Variants in PRKG1 observed in about 807,000 individuals in gnomAD.
The protein encoded by PRKG1 is protein kinase cGMP-dependent 1.
Under a neutral mutation model 88.1 loss-of-function variants are expected in PRKG1, and 35 were observed. That is an observed-to-expected ratio of 0.40 (90% CI 0.30 to 0.53). PRKG1 has a LOEUF of 0.53. Ranked by LOEUF, PRKG1 falls within the 20% of genes least tolerant of loss-of-function variation. The pLI is 0.59. For synonymous variants in PRKG1, 303 were observed against 292.5 expected, an observed-to-expected ratio of 1.04 and a Z score of -0.37; for missense variants, 540 against 839.8, an observed-to-expected ratio of 0.64 and a Z score of 4.41.
chr10:52,220,225 T>C (rs1381505230), intron 9 of PRKG1, among the ~76,000 whole-genome samples: 5 of 152,122 alleles, frequency 3.3e-5, no homozygotes, highest in African/African-American at 4.8e-5. Context: ...CCTGAGGTTG[T>C]TTGCTTTCTG....
chr10:51,061,617 C>G (rs773605895), intron 1 of PRKG1, among the ~76,000 whole-genome samples: 7 of 152,168 alleles, frequency 4.6e-5, no homozygotes, highest in Admixed American at 2.0e-4. Flanking sequence ...GAGGTTAGAA[C>G]TTCTCCCATA....
At chr10:51,334,022 A>G (rs1841804573) in intron 2 of PRKG1, among the ~76,000 whole-genome samples, 1 of 152,196 alleles carries the variant, frequency 6.6e-6, no homozygotes, top group Admixed American at 6.5e-5. Context: ...TTCAGACAGC[A>G]TTTATGATAA....
Position 51,907,674 on chromosome 10 carries a change from A to T in PRKG1, c.762+104A>T, listed in dbSNP as rs74135025. The T allele has an allele frequency of 5.5e-3, 5,635 of 1,031,872 alleles. 217 individuals carry two copies. The African/African-American group carries it at 0.082, about 15-fold the overall frequency. 63.9% of individuals were successfully genotyped at this position (1,031,872 alleles called of 1,614,324 possible). A position where few individuals can be genotyped will look rare whatever the true frequency, so the allele number is the denominator to read the frequency against. On this transcript the variant is annotated intron_variant, in intron 5 of 17. Coordinates refer to ENST00000373980, the MANE Select transcript of PRKG1 (RefSeq NM_006258.4). ...GGAATCACAAACTGCAGAGATCTTT[A>T]AAAAATTTCTAAGCTCTGGGATGAG... is the stretch of plus-strand genomic sequence containing the variant.
intron 3 of PRKG1, among the ~76,000 whole-genome samples, chr10:51,616,352 C>T (rs75109469): frequency 0.037 from 5,594 of 152,208 alleles, 166 homozygotes; most frequent in South Asian, 0.11. Flanking sequence ...GTCAGGGTCT[C>T]GAGTCCCTGG....
At chr10:51,138,657 T>G in intron 1 of PRKG1, among the ~76,000 whole-genome samples, 1 of 151,530 alleles carries the variant, frequency 6.6e-6, no homozygotes, top group South Asian at 2.1e-4. Flanking sequence ...AATCCAGTCT[T>G]TTTGGACATT....
intron 3 of PRKG1, among the ~76,000 whole-genome samples, chr10:51,745,614 T>G (rs1837556353): frequency 6.6e-6 from 1 of 152,204 alleles, no homozygotes; most frequent in Non-Finnish European, 1.5e-5. Context: ...TACTCTAAGC[T>G]TACATATAGT....
intron 11 of PRKG1, 72 bp from the exon 12 acceptor site, chr10:52,272,320 G>A: frequency 8.6e-7 from 1 of 1,162,414 alleles, no homozygotes; most frequent in Non-Finnish European, 1.2e-6. Flanking sequence ...TATAATCTGG[G>A]CCCCCCAAAA....
chr10:51,931,182 AC>A (rs1842687343), intron 5 of PRKG1, among the ~76,000 whole-genome samples: 1 of 152,336 alleles, frequency 6.6e-6, no homozygotes, highest in East Asian at 1.9e-4. Flanking sequence ...CATCTGTCTG[AC>A]AAAAAACTAA....
intron 2 of PRKG1, among the ~76,000 whole-genome samples, chr10:51,182,445 C>T (rs74133510): frequency 0.053 from 8,076 of 152,218 alleles, 402 homozygotes; most frequent in African/African-American, 0.13. Context: ...GTAGCCACTT[C>T]CCTTTAGCAA....
At chr10:51,816,536 CATGT>C (rs886993348) in intron 4 of PRKG1, among the ~76,000 whole-genome samples, 4 of 98,378 alleles carry the variant, frequency 4.1e-5, no homozygotes, top group African/African-American at 9.0e-5. Context: ...ATAATTTTGG[CATGT>C]GTGTGTGTGT....
chr10:52,156,002 T>C (rs139005607), intron 8 of PRKG1, among the ~76,000 whole-genome samples: 184 of 152,154 alleles, frequency 1.2e-3, no homozygotes, highest in African/African-American at 4.2e-3. Context: ...TATTTTCAAA[T>C]GGTGGTACCT....
intron 4 of PRKG1, among the ~76,000 whole-genome samples, chr10:51,874,794 A>G (rs1334514862): frequency 6.6e-6 from 1 of 152,228 alleles, no homozygotes; most frequent in African/African-American, 2.4e-5. Context: ...CTGTTTGGGA[A>G]TAATTATGTA....
intron 10 of PRKG1, among the ~76,000 whole-genome samples, chr10:52,269,010 C>T (rs1050993741): frequency 5.9e-5 from 9 of 151,748 alleles, no homozygotes; most frequent in South Asian, 4.2e-4. Flanking sequence ...AATTCAAGTC[C>T]AGACCTGTGA....
chr10:51,194,892 C>T lies in PRKG1; in HGVS notation c.478+41562C>T, dbSNP rs578178052. On this transcript the variant is annotated intron_variant, in intron 2 of 17. Coordinates refer to ENST00000373980, the MANE Select transcript of PRKG1 (RefSeq NM_006258.4). The stretch of plus-strand genomic sequence containing the variant: ...TTGTATAAAGACCCCACTCTGGTGA[C>T]AATGAAATCACTCTCCAGATAATGG... Among the ~76,000 whole-genome samples, 3 of 152,230 alleles carry T rather than the reference C, an allele frequency of 2.0e-5. No individual in the cohort carries two copies. In the South Asian group the frequency reaches 6.2e-4, roughly 32 times the overall value.
chr10:52,294,348 G>C lies in PRKG1; in HGVS notation c.*448G>C, dbSNP rs1017035821. 6.5e-6 allele frequency: 1 copy of C among 153,970 alleles called. No homozygotes were observed. Among genetic ancestry groups the C allele is most frequent in the African/African-American group, 2.4e-5 (1 of 41,452 alleles). 9.5% of individuals were successfully genotyped at this position (153,970 alleles called of 1,614,324 possible). A position where few individuals can be genotyped will look rare whatever the true frequency, so the allele number is the denominator to read the frequency against. On this transcript the variant is annotated 3_prime_UTR_variant, in exon 18 of 18. Transcript: ENST00000373980. Reference sequence around the variant, plus strand: ...TTCCCTTTCTTCAAGTGAAGGCTGTGGGATCTATTACTGCAGGCCGGTGTA... The same window carrying C: ...TTCCCTTTCTTCAAGTGAAGGCTGTCGGATCTATTACTGCAGGCCGGTGTA...
chr10:51,177,381 A>G (rs1837222873), intron 2 of PRKG1, among the ~76,000 whole-genome samples: 1 of 152,208 alleles, frequency 6.6e-6, no homozygotes, highest in South Asian at 2.1e-4. Context: ...TACTAACTAC[A>G]AATGTAAATA....
chr10:51,097,793 C>T (rs993245634), intron 1 of PRKG1, among the ~76,000 whole-genome samples: 59 of 152,148 alleles, frequency 3.9e-4, no homozygotes, highest in Non-Finnish European at 4.4e-5. Flanking sequence ...GGATGGCCCG[C>T]AGGCAGGAAT....
chr10:51,267,491 C>T (rs1561037), intron 2 of PRKG1, among the ~76,000 whole-genome samples: 24,674 of 152,086 alleles, frequency 0.16, 2,169 homozygotes, highest in Non-Finnish European at 0.2. Context: ...TTCTGCTCTT[C>T]TTTGACGGTT....
intron 1 of PRKG1, among the ~76,000 whole-genome samples, chr10:51,085,985 A>C (rs575734720): frequency 2.0e-5 from 3 of 152,356 alleles, no homozygotes; most frequent in East Asian, 3.9e-4. Context: ...ATCAAAGGAA[A>C]ATATGACATG....
Sources: allele counts gnomAD v4.1 joint callset (sites outside exome capture counted in the v4.1 genomes callset), GRCh38; gene constraint gnomAD v4.1.1; transcripts MANE v1.5; gene names NCBI Gene and HGNC (gene_info 2026-07-23, HGNC 2026-07-21).